SLIT3: variants seen among roughly 807,000 people sequenced by gnomAD.
SLIT3 encodes slit homolog 3 protein.
A neutral mutation model predicts 184.0 loss-of-function variants in SLIT3; 68 were observed. That is an observed-to-expected ratio of 0.37 (90% CI 0.30 to 0.45). The LOEUF (loss-of-function observed/expected upper bound fraction) is 0.45, where lower values mean the gene tolerates loss of function less well. Ranked by LOEUF, SLIT3 falls within the 20% of genes least tolerant of loss-of-function variation. The pLI is 1.00. For missense variants in SLIT3, 1,707 were observed against 2,026.0 expected (o/e 0.84, Z 3.02); for synonymous variants, 831 against 828.6 (o/e 1.00, Z -0.05).
intron 6 of SLIT3, among the ~76,000 whole-genome samples, chr5:168,841,412 G>A: frequency 6.6e-6 from 1 of 152,124 alleles, no homozygotes; most frequent in Non-Finnish European, 1.5e-5. Flanking sequence ...GTAGTGGCAT[G>A]GAAGGAATGA....
chr5:169,135,930 C>T (rs570499190), intron 4 of SLIT3, among the ~76,000 whole-genome samples: 42 of 152,354 alleles, frequency 2.8e-4, no homozygotes, highest in Non-Finnish European at 4.0e-4. Context: ...GTCACCATCT[C>T]GTCCTGTCTC....
intron 4 of SLIT3, among the ~76,000 whole-genome samples, chr5:168,910,017 GCA>G (rs1761203620): frequency 6.6e-6 from 1 of 152,214 alleles, no homozygotes; most frequent in South Asian, 2.1e-4. Context: ...TGTGAAACAT[GCA>G]CAGAGAGGTA....
chr5:169,147,134 T>A (rs78190041), intron 4 of SLIT3, among the ~76,000 whole-genome samples: 4,475 of 152,348 alleles, frequency 0.029, 223 homozygotes, highest in African/African-American at 0.1. Flanking sequence ...AGCACAGGGC[T>A]ATTTCTGAGG....
At chr5:169,205,600 T>A (rs1028193490) in intron 3 of SLIT3, among the ~76,000 whole-genome samples, 7 of 152,202 alleles carry the variant, frequency 4.6e-5, no homozygotes, top group African/African-American at 1.7e-4. Flanking sequence ...GGTTGGTTGG[T>A]TCATTGGTTG....
intron 21 of SLIT3, 136 bp downstream of exon 21, chr5:168,724,280 G>T: frequency 1.9e-6 from 1 of 537,932 alleles, no homozygotes; most frequent in Non-Finnish European, 3.2e-6. Flanking sequence ...CTGGCTTCTG[G>T]TCCTAAGCAG....
chr5:168,957,491 A>G (rs1762865694), intron 4 of SLIT3, among the ~76,000 whole-genome samples: 1 of 152,178 alleles, frequency 6.6e-6, no homozygotes, highest in Non-Finnish European at 1.5e-5. Flanking sequence ...TCCTCTGAAC[A>G]TGCAGATTCT....
intron 14 of SLIT3, chr5:168,768,261 CA>C: frequency 2.0e-6 from 1 of 504,866 alleles, no homozygotes; most frequent in Admixed American, 2.1e-5. Context: ...TGGTCAGAGT[CA>C]AGGTCAGGAA....
intron 4 of SLIT3, among the ~76,000 whole-genome samples, chr5:168,959,170 C>G (rs12519972): frequency 0.42 from 64,162 of 152,156 alleles, 15,056 homozygotes; most frequent in African/African-American, 0.64. Context: ...ATTAGAAATA[C>G]CACATATCTG....
chr5:168,752,906 G>T (rs189022093), intron 18 of SLIT3, 49 bp downstream of exon 18: 102 of 1,583,188 alleles, frequency 6.4e-5, no homozygotes, highest in Non-Finnish European at 8.7e-5. Context: ...AGAGAGCGCT[G>T]CAGAGTGGGA....
chr5:169,217,228 A>G (rs1230317676), intron 3 of SLIT3, among the ~76,000 whole-genome samples: 1 of 151,912 alleles, frequency 6.6e-6, no homozygotes, highest in Non-Finnish European at 1.5e-5. Flanking sequence ...GTGTGAATAA[A>G]TTGGTGTGAA....
intron 5 of SLIT3, among the ~76,000 whole-genome samples, chr5:168,845,702 C>T (rs922862317): frequency 1.3e-5 from 2 of 151,862 alleles, no homozygotes; most frequent in East Asian, 1.9e-4. Flanking sequence ...ACTATAATAG[C>T]ATATATTACA....
intron 5 of SLIT3, among the ~76,000 whole-genome samples, chr5:168,857,561 C>T (rs1581151617): frequency 6.6e-6 from 1 of 152,058 alleles, no homozygotes; most frequent in South Asian, 2.1e-4. Context: ...TCTATGGGCC[C>T]CTCAAGAGCT....
chr5:168,965,150 C>A (rs1763142730), intron 4 of SLIT3, among the ~76,000 whole-genome samples: 4 of 152,144 alleles, frequency 2.6e-5, no homozygotes, highest in African/African-American at 9.7e-5. Context: ...GGGTCACTCT[C>A]AAAGGGTAGA....
At chr5:169,078,552 C>T (rs1279137856) in intron 4 of SLIT3, among the ~76,000 whole-genome samples, 1 of 152,200 alleles carries the variant, frequency 6.6e-6, no homozygotes, top group Non-Finnish European at 1.5e-5. Context: ...TCACCAACTT[C>T]ACTCATTTCC....
chr5:168,692,632 A>C lies in SLIT3; in HGVS notation c.3151T>G (p.Cys1051Gly). Residue 1051 changes from cysteine (C) to glycine (G), a missense_variant, in exon 29 of 36, where the codon TGC becomes GGC. Cys to Gly is a radical substitution (Grantham distance 159). Transcript: ENST00000519560. ...CTGAATCCTTTGTCCAGGGGGATGC[A>C]CTTGGCCTCATGCTGACAGAGGTTC... The part of the protein sequence containing the change: ...ELNLCQHEAK[C>G]IPLDKGFSCE... 3 of 1,614,074 alleles carry C rather than the reference A, an allele frequency of 1.9e-6. No individual in the cohort carries two copies. The highest frequency in any genetic ancestry group is 2.5e-6 in the Non-Finnish European group (3 of 1,179,932).
At chr5:168,787,536 T>C (rs1378807912) in intron 11 of SLIT3, among the ~76,000 whole-genome samples, 1 of 152,212 alleles carries the variant, frequency 6.6e-6, no homozygotes, top group Non-Finnish European at 1.5e-5. Flanking sequence ...TCTTTAATAT[T>C]TTAGTTAATG....
intron 4 of SLIT3, among the ~76,000 whole-genome samples, chr5:169,188,044 G>A (rs938194813): frequency 1.3e-5 from 2 of 152,058 alleles, no homozygotes; most frequent in East Asian, 3.9e-4. Flanking sequence ...TGCAACCTCC[G>A]TCTCCAGGGC....
chr5:169,040,854 C>T (rs967583349), intron 4 of SLIT3, among the ~76,000 whole-genome samples: 1 of 152,212 alleles, frequency 6.6e-6, no homozygotes, highest in Non-Finnish European at 1.5e-5. Flanking sequence ...GATTGGCTAC[C>T]CATAAACAGC....
chr5:169,026,386 G>A (rs1423575790), intron 4 of SLIT3: 1 of 152,188 alleles, frequency 6.6e-6, no homozygotes, highest in African/African-American at 2.4e-5. Flanking sequence ...ACTGAAAGAG[G>A]AGCATCAATT....
Sources: gnomAD v4.1 joint callset for allele counts (sites outside exome capture counted in the v4.1 genomes callset) on GRCh38, gnomAD v4.1.1 for gene constraint, MANE v1.5 for transcripts, NCBI Gene and HGNC (gene_info 2026-07-23, HGNC 2026-07-21) for gene names.